Variants in BLTP3B observed in about 807,000 individuals in gnomAD.
The protein encoded by BLTP3B is UHRF1 (ICBP90) binding protein 1-like.
chr12:100,141,380 C>T, the BLTP3B span, among the ~76,000 whole-genome samples: 2 of 150,972 alleles, frequency 1.3e-5, no homozygotes, highest in Non-Finnish European at 3.0e-5. Flanking sequence ...ATGTAGTACA[C>T]ATATATATGT....
the BLTP3B span, among the ~76,000 whole-genome samples, chr12:100,102,155 G>A: frequency 2.7e-5 from 4 of 149,270 alleles, no homozygotes; most frequent in Non-Finnish European, 5.9e-5. Flanking sequence ...TGTCACCAAG[G>A]CTGGAGTGCA....
At chr12:100,047,760 T>C in the BLTP3B span, 3 of 1,053,152 alleles carry the variant, frequency 2.8e-6, no homozygotes, top group South Asian at 4.5e-5. Flanking sequence ...GCCTGTTATA[T>C]TTTGCCTGTT....
chr12:100,040,958 A>G, the BLTP3B span, among the ~76,000 whole-genome samples: 1 of 152,206 alleles, frequency 6.6e-6, no homozygotes, highest in Non-Finnish European at 1.5e-5. Context: ...CAAACTTTCT[A>G]TGAAGGCAGT....
At chr12:100,132,360 C>T in the BLTP3B span, among the ~76,000 whole-genome samples, 3 of 152,088 alleles carry the variant, frequency 2.0e-5, no homozygotes, top group East Asian at 1.9e-4. Context: ...TGGGAGGTGG[C>T]GCCTAGTAGG....
the BLTP3B span, chr12:100,092,935 T>A: frequency 2.0e-6 from 2 of 985,286 alleles, no homozygotes; most frequent in African/African-American, 3.5e-5. Context: ...TCCTTCTGCC[T>A]TCCCTTATTG....
chr12:100,124,937 T>TATATATATAC, the BLTP3B span, among the ~76,000 whole-genome samples: 10 of 3,666 alleles, frequency 2.7e-3, no homozygotes, highest in East Asian at 0.12. Context: ...AAAAAAATTT[T>TATATATATAC]ATATATATAT....
the BLTP3B span, among the ~76,000 whole-genome samples, chr12:100,119,984 T>C: frequency 2.0e-5 from 3 of 152,330 alleles, no homozygotes; most frequent in Admixed American, 6.5e-5. Flanking sequence ...AGGGCAACCA[T>C]AGACTGGGAA....
chr12:100,082,820 T>C, the BLTP3B span, among the ~76,000 whole-genome samples: 1 of 152,220 alleles, frequency 6.6e-6, no homozygotes, highest in Non-Finnish European at 1.5e-5. Flanking sequence ...GGACTGTGCC[T>C]ATAAAGTTAG....
chr12:100,052,396 A>G, the BLTP3B span, among the ~76,000 whole-genome samples: 1 of 152,092 alleles, frequency 6.6e-6, no homozygotes, highest in Non-Finnish European at 1.5e-5. Context: ...TTGCAAGGAG[A>G]GCAAAAAGAC....
chr12:100,118,421 C>T, the BLTP3B span, among the ~76,000 whole-genome samples: 32 of 151,848 alleles, frequency 2.1e-4, no homozygotes, highest in African/African-American at 7.7e-4. Flanking sequence ...AAACAAAAAA[C>T]TCTCAAGGTC....
chr12:100,128,107 T>A, the BLTP3B span, among the ~76,000 whole-genome samples: 179 of 152,306 alleles, frequency 1.2e-3, no homozygotes, highest in African/African-American at 3.8e-3. Flanking sequence ...AAGATAACTA[T>A]CATTAAATAC....
chr12:100,073,388 C>A, the BLTP3B span, among the ~76,000 whole-genome samples: 3 of 143,042 alleles, frequency 2.1e-5, no homozygotes, highest in African/African-American at 8.0e-5. Flanking sequence ...TTGGTAGAGA[C>A]GGGGTTTCGC....
chr12:100,079,961 A>G, the BLTP3B span, among the ~76,000 whole-genome samples: 1 of 152,242 alleles, frequency 6.6e-6, no homozygotes. Flanking sequence ...CATGGTGCTG[A>G]GCCTGCTGGT....
the BLTP3B span, among the ~76,000 whole-genome samples, chr12:100,129,314 C>A: frequency 6.6e-6 from 1 of 152,220 alleles, no homozygotes; most frequent in East Asian, 1.9e-4. Flanking sequence ...TCTAAATTTT[C>A]CGGATATGAT....
the BLTP3B span, among the ~76,000 whole-genome samples, chr12:100,054,261 A>C: frequency 6.6e-6 from 1 of 152,226 alleles, no homozygotes; most frequent in East Asian, 1.9e-4. Context: ...GAATACTTAC[A>C]GATGATAAAA....
chr12:100,095,280 A>G, the BLTP3B span, among the ~76,000 whole-genome samples: 13 of 152,204 alleles, frequency 8.5e-5, no homozygotes, highest in African/African-American at 2.7e-4. Context: ...AATTTCAGCA[A>G]TTCCTTATGG....
chr12:100,072,221 C>T, the BLTP3B span, among the ~76,000 whole-genome samples: 1 of 151,886 alleles, frequency 6.6e-6, no homozygotes, highest in Non-Finnish European at 1.5e-5. Context: ...GAGATCGTGC[C>T]ACTGCACTCC....
the BLTP3B span, chr12:100,058,147 C>T: frequency 2.4e-5 from 39 of 1,613,366 alleles, no homozygotes; most frequent in African/African-American, 5.1e-4. Context: ...AAGATGGACT[C>T]TATGGTTTCA....
At chr12:100,110,401 G>T in the BLTP3B span, among the ~76,000 whole-genome samples, 1 of 152,096 alleles carries the variant, frequency 6.6e-6, no homozygotes, top group African/African-American at 2.4e-5. Context: ...TCAATACCAC[G>T]ACGCTTTCTC....
Sources: gnomAD v4.1 joint callset for allele counts (sites outside exome capture counted in the v4.1 genomes callset) on GRCh38, gnomAD v4.1.1 for gene constraint, MANE v1.5 for transcripts, NCBI Gene and HGNC (gene_info 2026-07-23, HGNC 2026-07-21) for gene names.